Variants in FKTN observed in about 807,000 individuals in gnomAD.
FKTN encodes ribitol-5-phosphate transferase FKTN.
In FKTN, 47 loss-of-function variants were observed where a neutral mutation model predicts 58.6. The observed-to-expected ratio is 0.80, with a 90% CI of 0.63 to 1.02. FKTN has a LOEUF of 1.02. Among genes scored for constraint, FKTN ranks in the 50% least tolerant of loss-of-function variants. The pLI is 0.00. For synonymous variants in FKTN, 178 were observed against 191.9 expected, an observed-to-expected ratio of 0.93 and a Z score of 0.60; for missense variants, 516 against 537.3, an observed-to-expected ratio of 0.96 and a Z score of 0.39.
intron 1 of FKTN, among the ~76,000 whole-genome samples, chr9:105,570,621 C>G (rs1840577275): frequency 6.6e-6 from 1 of 152,136 alleles, no homozygotes; most frequent in African/African-American, 2.4e-5. Context: ...TTTGAAAACT[C>G]CTGTACTCAC....
At chr9:105,609,421 A>G (rs1829515425) in intron 7 of FKTN, among the ~76,000 whole-genome samples, 1 of 152,168 alleles carries the variant, frequency 6.6e-6, no homozygotes, top group Non-Finnish European at 1.5e-5. Context: ...AAAAATAGGA[A>G]CATTCTCTAC....
Position 105,635,959 on chromosome 9 carries a change from T to C in FKTN, c.*695T>C. On this transcript the variant is annotated 3_prime_UTR_variant, in exon 11 of 11. Coordinates refer to ENST00000357998, the MANE Select transcript of FKTN (RefSeq NM_001079802.2). ...GAAGTGAGAAGAAACTTTATGCTTG[T>C]TTAATGCTTAAATTTCCATCCATTG... 1 of 985,792 alleles carries C rather than the reference T, an allele frequency of 1.0e-6. No individual in the cohort carries two copies. The highest frequency in any genetic ancestry group is 4.7e-5 in the South Asian group (1 of 21,316). 61.1% of individuals were successfully genotyped at this position (985,792 alleles called of 1,614,324 possible). A position where few individuals can be genotyped will look rare whatever the true frequency, so the allele number is the denominator to read the frequency against.
At position 105,601,243 on chromosome 9, in the gene FKTN, A is replaced by C; in HGVS notation, c.264A>C (p.Glu88Asp). 1 of 1,611,748 alleles carries C rather than the reference A, an allele frequency of 6.2e-7. No individual in the cohort carries two copies. The highest frequency in any genetic ancestry group is 8.5e-7 in the Non-Finnish European group (1 of 1,178,206). ...TGGAATTGATTAATAAGAACTTTGA[A>C]CAAGTCAAAAATACTTCTCATGGCT... ...LILELINKNFEQVKNTSHGST... is the reference protein window; with the variant it reads ...LILELINKNFDQVKNTSHGST... Residue 88 changes from glutamate to aspartate, a missense_variant, in exon 5 of 11, where the codon GAA becomes GAC. Coordinates refer to ENST00000357998, the MANE Select transcript of FKTN (RefSeq NM_001079802.2).
At chr9:105,583,958 A>G (rs1197336268) in intron 3 of FKTN, among the ~76,000 whole-genome samples, 1 of 152,212 alleles carries the variant, frequency 6.6e-6, no homozygotes, top group Non-Finnish European at 1.5e-5. Context: ...TCTTAATTAT[A>G]TATTAAATTC....
At chr9:105,582,747 C>T (rs1011996504) in intron 3 of FKTN, among the ~76,000 whole-genome samples, 1 of 152,138 alleles carries the variant, frequency 6.6e-6, no homozygotes, top group African/African-American at 2.4e-5. Context: ...AATTCTAGAT[C>T]TAATATGCAC....
intron 5 of FKTN, among the ~76,000 whole-genome samples, chr9:105,602,253 A>G (rs1828008228): frequency 6.6e-6 from 1 of 152,252 alleles, no homozygotes; most frequent in Non-Finnish European, 1.5e-5. Context: ...TACATAGTAC[A>G]CAGGATAGAT....
chr9:105,578,550 T>A (rs1842214999), intron 3 of FKTN, among the ~76,000 whole-genome samples: 1 of 149,028 alleles, frequency 6.7e-6, no homozygotes, highest in African/African-American at 2.5e-5. Flanking sequence ...AGCTTTTTGA[T>A]GTGCTGCTGG....
chr9:105,571,185 G>A (rs963825872), intron 1 of FKTN, among the ~76,000 whole-genome samples: 1 of 152,150 alleles, frequency 6.6e-6, no homozygotes, highest in African/African-American at 2.4e-5. Flanking sequence ...TGGAGACAGG[G>A]ACATCAGTTA....
chr9:105,631,820 G>T (rs1184899501), intron 10 of FKTN, among the ~76,000 whole-genome samples: 1 of 148,152 alleles, frequency 6.7e-6, no homozygotes, highest in East Asian at 2.0e-4. Context: ...ACTGTTGGTG[G>T]GACTGTAAAC....
chr9:105,589,638 G>T (rs529167026), intron 3 of FKTN, among the ~76,000 whole-genome samples: 1 of 152,180 alleles, frequency 6.6e-6, no homozygotes, highest in South Asian at 2.1e-4. Flanking sequence ...AGAGACTACT[G>T]AATAACATAC....
At chr9:105,581,556 A>C (rs1171096546) in intron 3 of FKTN, among the ~76,000 whole-genome samples, 3 of 151,778 alleles carry the variant, frequency 2.0e-5, no homozygotes, top group Non-Finnish European at 4.4e-5. Flanking sequence ...TGGGAGAACC[A>C]CTGCTCTCTT....
intron 3 of FKTN, among the ~76,000 whole-genome samples, chr9:105,593,012 C>T (rs1845182565): frequency 6.6e-6 from 1 of 152,176 alleles, no homozygotes; most frequent in African/African-American, 2.4e-5. Flanking sequence ...TTTCCTGGTA[C>T]CAATTTTCTG....
chr9:105,559,085 T>A (rs1444889700), intron 1 of FKTN, among the ~76,000 whole-genome samples: 1 of 152,238 alleles, frequency 6.6e-6, no homozygotes, highest in Non-Finnish European at 1.5e-5. Flanking sequence ...TGGGTGATGA[T>A]ATTTTTAACC....
At chr9:105,575,178 T>C in intron 3 of FKTN, 41 bp downstream of exon 3, 2 of 1,082,340 alleles carry the variant, frequency 1.8e-6, no homozygotes, top group Non-Finnish European at 1.4e-6. Flanking sequence ...TCCTTTCTTA[T>C]CATTGTATAT....
intron 7 of FKTN, among the ~76,000 whole-genome samples, chr9:105,611,189 T>G (rs1156944889): frequency 6.6e-6 from 1 of 152,238 alleles, no homozygotes; most frequent in Non-Finnish European, 1.5e-5. Flanking sequence ...TTTGTGCTTT[T>G]GGATTCCACG....
chr9:105,594,128 AG>A (rs932025683), intron 3 of FKTN, among the ~76,000 whole-genome samples: 1 of 152,190 alleles, frequency 6.6e-6, no homozygotes, highest in Non-Finnish European at 1.5e-5. Context: ...TGTCCAGTCA[AG>A]GGGGGATGGG....
chr9:105,574,603 A>G (rs1394050756), intron 2 of FKTN, among the ~76,000 whole-genome samples: 2 of 152,106 alleles, frequency 1.3e-5, no homozygotes, highest in Non-Finnish European at 2.9e-5. Context: ...CAGCAGCACC[A>G]GCATCATTTG....
chr9:105,589,512 T>TG (rs960082700), intron 3 of FKTN, among the ~76,000 whole-genome samples: 83 of 141,422 alleles, frequency 5.9e-4, no homozygotes, highest in South Asian at 1.2e-3. Flanking sequence ...AAAAAAAAAC[T>TG]GGGGGGGGCG....
intron 3 of FKTN, among the ~76,000 whole-genome samples, chr9:105,596,038 A>G (rs1336024875): frequency 6.6e-6 from 1 of 152,060 alleles, no homozygotes; most frequent in Non-Finnish European, 1.5e-5. Context: ...AAAAACTTCA[A>G]CATTCAAAAT....
Sources: allele counts gnomAD v4.1 joint callset (sites outside exome capture counted in the v4.1 genomes callset), GRCh38; gene constraint gnomAD v4.1.1; transcripts MANE v1.5; gene names NCBI Gene and HGNC (gene_info 2026-07-23, HGNC 2026-07-21).